FNDC7: variants seen among roughly 807,000 people sequenced by gnomAD.
The protein encoded by FNDC7 is fibronectin type III domain containing 7, also known as fibronectin type III domain-containing protein 7.
In FNDC7, 66 loss-of-function variants were observed where a neutral mutation model predicts 74.2. That is an observed-to-expected ratio of 0.89 (90% CI 0.73 to 1.09). The LOEUF is 1.09. FNDC7 is among the 50% of genes least tolerant of loss of function. FNDC7 has a pLI of 0.00. For synonymous variants in FNDC7, 307 were observed against 330.2 expected (o/e 0.93, Z 0.76); for missense variants, 829 against 893.4 (o/e 0.93, Z 0.92).
chr1:108,734,145 G>A (rs997400177), intron 10 of FNDC7: 17 of 152,220 alleles, frequency 1.1e-4, no homozygotes, highest in African/African-American at 4.1e-4. Context: ...GAGATTTAGG[G>A]ATAGATTTTT....
intron 11 of FNDC7, among the ~76,000 whole-genome samples, chr1:108,737,867 T>A (rs563565235): frequency 8.5e-5 from 13 of 152,320 alleles, no homozygotes; most frequent in African/African-American, 2.9e-4. Flanking sequence ...GAGCTTAAAA[T>A]TAACTGATGT....
intron 1 of FNDC7, 53 bp downstream of exon 1, chr1:108,713,049 A>T: frequency 2.0e-6 from 3 of 1,472,368 alleles, no homozygotes; most frequent in Non-Finnish European, 2.8e-6. Context: ...AAAGAAAGAC[A>T]CATTATTTTT....
chr1:108,722,987 G>A (rs1159305206), intron 5 of FNDC7, among the ~76,000 whole-genome samples: 1 of 150,642 alleles, frequency 6.6e-6, no homozygotes, highest in Non-Finnish European at 1.5e-5. Context: ...CATTTTTTAA[G>A]AAAAAGATAG....
intron 9 of FNDC7, among the ~76,000 whole-genome samples, chr1:108,731,192 A>C (rs1314383972): frequency 6.6e-6 from 1 of 152,222 alleles, no homozygotes; most frequent in Non-Finnish European, 1.5e-5. Context: ...TCTTTATATG[A>C]CATAGCTACT....
rs776094054 is a variant in FNDC7 at position 108,725,787 on chromosome 1, T to G, written c.894T>G (p.Asp298Glu). The stretch of plus-strand genomic sequence containing the variant: ...CCGGAAGAGTGACGATCCAAGAAGA[T>G]CCCCCTGGCCACCTGTCTGTGGCTT... ...CAPGRVTIQE[D>E]PPGHLSVAWS... The change falls in exon 6 of 13, where the codon GAT (aspartate) becomes GAG (glutamate). Residue 298 changes from aspartate to glutamate, a missense_variant. By Grantham distance (45) the Asp-to-Glu change is conservative. Transcript: ENST00000370017. The G allele has an allele frequency of 7.4e-6, 12 of 1,613,950 alleles. No individual in the cohort carries two copies. In the East Asian group the frequency reaches 2.7e-4, roughly 36 times the overall value.
At chr1:108,726,354 G>T (rs1432005698) in intron 6 of FNDC7, among the ~76,000 whole-genome samples, 1 of 152,232 alleles carries the variant, frequency 6.6e-6, no homozygotes, top group Non-Finnish European at 1.5e-5. Flanking sequence ...CTCTTTCCCT[G>T]AGACCAAGAC....
At position 108,713,065 on chromosome 1, in the gene FNDC7, CT is replaced by C. The variant is rs551804204; in HGVS notation, c.63+79del. The C allele has an allele frequency of 5.2e-3, 6,051 of 1,169,266 alleles. 1 individual carries two copies. Among genetic ancestry groups the C allele is most frequent in the Admixed American group, 6.3e-3 (239 of 37,798 alleles). The allele number at this position is 1,169,266 out of a possible 1,614,324, so 72.4% of individuals were successfully genotyped here. A position where few individuals can be genotyped will look rare whatever the true frequency, so the allele number is the denominator to read the frequency against. ...AAGAAAGACACATTATTTTTCTCTC[CT>C]TTTTTTTTTGAGGAGTTGGGGAATA... is the stretch of plus-strand genomic sequence containing the variant. On this transcript the variant is annotated intron_variant, in intron 1 of 12. Transcript: ENST00000370017.
At position 108,717,824 on chromosome 1, in the gene FNDC7, A is replaced by C. The variant is rs1012764291; in HGVS notation, c.130A>C (p.Ser44Arg). 6.4e-7 allele frequency: 1 copy of C among 1,551,758 alleles called. No homozygotes were observed. The highest frequency in any genetic ancestry group is 1.4e-5 in the African/African-American group (1 of 73,174). ...IDQAYSKLSN[S>R]ITVEWATVPG... is the part of the protein sequence containing the mutation. The stretch of plus-strand genomic sequence containing the variant: ...TCAGGCATATTCAAAACTCAGCAAC[A>C]GTATCACTGTAGAATGGGCTACAGT... Residue 44 changes from serine to arginine, a missense_variant, in exon 3 of 13, where the codon AGT becomes CGT. Coordinates refer to ENST00000370017, the MANE Select transcript of FNDC7 (RefSeq NM_001144937.3).
chr1:108,738,762 G>A (rs1661574191), intron 11 of FNDC7, among the ~76,000 whole-genome samples: 1 of 152,054 alleles, frequency 6.6e-6, no homozygotes, highest in African/African-American at 2.4e-5. Flanking sequence ...AGCACAGCAG[G>A]TTACACACTT....
intron 5 of FNDC7, among the ~76,000 whole-genome samples, chr1:108,725,022 A>AGTGAGCCGAGATCACATCACT (rs2101081828): frequency 6.6e-6 from 1 of 152,138 alleles, no homozygotes; most frequent in African/African-American, 2.4e-5. Context: ...TGGAGGTTGC[A>AGTGAGCCGAGATCACATCACT]GTGAGCCGAG....
At chr1:108,735,302 T>C (rs1053787715) in intron 10 of FNDC7, among the ~76,000 whole-genome samples, 16 of 152,138 alleles carry the variant, frequency 1.1e-4, no homozygotes, top group Admixed American at 9.8e-4. Flanking sequence ...ACCAGTCCCA[T>C]CTCCCTGTCC....
intron 7 of FNDC7, 39 bp downstream of exon 7, chr1:108,728,104 T>C (rs1009583795): frequency 6.3e-7 from 1 of 1,596,460 alleles, no homozygotes; most frequent in Non-Finnish European, 8.5e-7. Context: ...GGTGTCTGAA[T>C]GATTCACCCC....
chr1:108,715,631 G>A (rs900317341), intron 2 of FNDC7, among the ~76,000 whole-genome samples: 6 of 151,366 alleles, frequency 4.0e-5, no homozygotes, highest in African/African-American at 1.5e-4. Flanking sequence ...AAATTTACTT[G>A]TCTTGGCTCA....
At chr1:108,730,640 A>G (rs760296375) in intron 8 of FNDC7, 34 bp from the exon 9 acceptor site, 3 of 1,486,472 alleles carry the variant, frequency 2.0e-6, no homozygotes, top group Non-Finnish European at 2.7e-6. Flanking sequence ...AGTGGAAATA[A>G]ATCTCCAATT....
At chr1:108,721,424 G>A (rs540246551) in intron 4 of FNDC7, among the ~76,000 whole-genome samples, 2 of 152,172 alleles carry the variant, frequency 1.3e-5, no homozygotes, top group East Asian at 1.9e-4. Context: ...AGCCAAGATT[G>A]CGACACTGCA....
chr1:108,719,349 A>G (rs2184083), intron 4 of FNDC7, among the ~76,000 whole-genome samples: 36,684 of 152,076 alleles, frequency 0.24, 4,649 homozygotes, highest in Middle Eastern at 0.3. Flanking sequence ...ATTCTTGTTA[A>G]GTTTACCCAT....
chr1:108,740,163 G>A (rs905318761), intron 11 of FNDC7, among the ~76,000 whole-genome samples: 13 of 151,660 alleles, frequency 8.6e-5, no homozygotes, highest in African/African-American at 3.2e-4. Flanking sequence ...TTCAATTTCA[G>A]CATTTCCCCT....
chr1:108,737,628 T>G, intron 11 of FNDC7, 104 bp downstream of exon 11: 3 of 873,682 alleles, frequency 3.4e-6, no homozygotes, highest in Non-Finnish European at 5.3e-6. Context: ...AATGCTTTCT[T>G]TCTTTGATAC....
At chr1:108,713,063 T>A in intron 1 of FNDC7, 67 bp downstream of exon 1, 6 of 1,410,104 alleles carry the variant, frequency 4.3e-6, no homozygotes, top group Admixed American at 2.3e-5. Flanking sequence ...TATTTTTCTC[T>A]CCTTTTTTTT....
Sources: allele counts gnomAD v4.1 joint callset (sites outside exome capture counted in the v4.1 genomes callset), GRCh38; gene constraint gnomAD v4.1.1; transcripts MANE v1.5; gene names NCBI Gene and HGNC (gene_info 2026-07-23, HGNC 2026-07-21).